Variants in ABHD3 observed in about 807,000 individuals in gnomAD.
The protein encoded by ABHD3 is abhydrolase domain containing 3, phospholipase, also known as phospholipase ABHD3.
ABHD3 carries 46 observed loss-of-function variants against 48.8 expected under a neutral mutation model. The observed-to-expected ratio is 0.94, with a 90% CI of 0.74 to 1.20. The LOEUF (loss-of-function observed/expected upper bound fraction) is 1.20. Ranked by LOEUF, ABHD3 falls within the 50% of genes most tolerant of loss-of-function variation. ABHD3 has a pLI of 0.00. For synonymous variants in ABHD3, 192 were observed against 183.7 expected (o/e 1.04, Z -0.36); for missense variants, 490 against 497.8 (o/e 0.98, Z 0.15).
At chr18:21,658,842 T>C (rs1165143794) in intron 6 of ABHD3, among the ~76,000 whole-genome samples, 1 of 150,912 alleles carries the variant, frequency 6.6e-6, no homozygotes, top group South Asian at 2.1e-4. Context: ...ACAATAGTTT[T>C]TTTTTTTTTT....
At chr18:21,697,828 G>A (rs1023222538) in intron 3 of ABHD3, among the ~76,000 whole-genome samples, 1 of 151,998 alleles carries the variant, frequency 6.6e-6, no homozygotes, top group Admixed American at 6.6e-5. Context: ...CAGGTAGAGG[G>A]GAAAAAACAA....
chr18:21,664,465 G>C, intron 4 of ABHD3: 1 of 434,312 alleles, frequency 2.3e-6, no homozygotes, highest in Non-Finnish European at 4.1e-6. Flanking sequence ...TGCAAGGAAG[G>C]CTTGATGCAG....
chr18:21,691,341 T>C (rs1168525165), intron 3 of ABHD3, among the ~76,000 whole-genome samples: 1 of 152,170 alleles, frequency 6.6e-6, no homozygotes, highest in Non-Finnish European at 1.5e-5. Context: ...AATGCTTCTA[T>C]CGATAAAAGA....
At position 21,700,827 on chromosome 18, in the gene ABHD3, C is replaced by CAAAAAAAAAAAAAA. The variant is rs375239917; in HGVS notation, c.509+1475_509+1488dup. Among the ~76,000 whole-genome samples the CAAAAAAAAAAAAAA allele has an allele frequency of 3.0e-3, 281 of 94,330 alleles. 11 individuals are homozygous for CAAAAAAAAAAAAAA. The highest frequency in any genetic ancestry group is 9.5e-3 in the African/African-American group (271 of 28,624). The allele number at this position is 94,330 out of a possible 152,430, so 61.9% of individuals were successfully genotyped here. A position where few individuals can be genotyped will look rare whatever the true frequency, so the allele number is the denominator to read the frequency against. ...TTTCTGAGCATGACTAAGTTTTAGC[C>CAAAAAAAAAAAAAA]AAAAAAAAAAAAAAAAAAAAAATGG... is the stretch of plus-strand genomic sequence containing the variant. On this transcript the variant is annotated intron_variant, in intron 3 of 8. Coordinates refer to ENST00000289119, the MANE Select transcript of ABHD3 (RefSeq NM_138340.5).
At chr18:21,697,945 G>C (rs1435177863) in intron 3 of ABHD3, among the ~76,000 whole-genome samples, 1 of 151,916 alleles carries the variant, frequency 6.6e-6, no homozygotes, top group Non-Finnish European at 1.5e-5. Context: ...GTAAATCATT[G>C]ACAGTTCCCT....
chr18:21,679,783 C>T (rs1422207578), intron 4 of ABHD3, among the ~76,000 whole-genome samples: 1 of 152,176 alleles, frequency 6.6e-6, no homozygotes, highest in East Asian at 1.9e-4. Flanking sequence ...CCTCAGCCTC[C>T]CAAAGTGCTG....
chr18:21,683,007 T>C (rs1260156494), intron 4 of ABHD3: 1 of 152,416 alleles, frequency 6.6e-6, no homozygotes, highest in Non-Finnish European at 1.5e-5. Flanking sequence ...CCTAAGTCAC[T>C]GTAAAGCCAA....
intron 3 of ABHD3, among the ~76,000 whole-genome samples, chr18:21,699,068 G>A (rs1378251515): frequency 6.6e-6 from 1 of 151,860 alleles, no homozygotes; most frequent in Admixed American, 6.6e-5. Context: ...CTGAGTAGCT[G>A]GGATTACAGG....
chr18:21,656,941 C>G lies in ABHD3; in HGVS notation c.977G>C (p.Ser326Thr), dbSNP rs1372533608. Residue 326 changes from serine (S) to threonine (T), a missense_variant, in exon 8 of 9, where the codon AGT (serine) becomes ACT (threonine). By Grantham distance (58) the Ser-to-Thr change is moderately conservative. Coordinates refer to ENST00000289119, the MANE Select transcript of ABHD3 (RefSeq NM_138340.5). ...QTIDDYYTDA[S>T]PSPRLKSVGI... ...TACTGACTTCAGTCTAGGACTCGGA[C>G]TGGCATCAGTATAATAATCATCAAT... 6.2e-7 allele frequency: 1 copy of G among 1,614,024 alleles called. No homozygotes were observed.
At chr18:21,667,054 A>G (rs539689932) in intron 4 of ABHD3, among the ~76,000 whole-genome samples, 79 of 151,826 alleles carry the variant, frequency 5.2e-4, no homozygotes, top group African/African-American at 1.8e-3. Context: ...TTCAATCACT[A>G]ATGAGTAGCC....
At chr18:21,659,398 C>CA in intron 5 of ABHD3, 55 bp from the exon 6 acceptor site, 2 of 1,523,770 alleles carry the variant, frequency 1.3e-6, no homozygotes, top group South Asian at 1.2e-5. Context: ...TCACAGAAGA[C>CA]ATCCATTTCT....
chr18:21,666,286 C>T (rs140424341), intron 4 of ABHD3, among the ~76,000 whole-genome samples: 67 of 152,168 alleles, frequency 4.4e-4, no homozygotes, highest in Non-Finnish European at 6.3e-4. Context: ...CTCTGCCTCG[C>T]GGGTTCAAGC....
intron 4 of ABHD3, among the ~76,000 whole-genome samples, chr18:21,668,200 C>CAAAAAAAAAAA (rs747590942): frequency 9.3e-4 from 57 of 61,274 alleles, no homozygotes; most frequent in African/African-American, 2.6e-3. Flanking sequence ...GAATCTATCT[C>CAAAAAAAAAAA]AAAAAAAAAA....
At chr18:21,665,188 G>A (rs1598519654) in intron 4 of ABHD3, among the ~76,000 whole-genome samples, 4 of 151,628 alleles carry the variant, frequency 2.6e-5, no homozygotes, top group Admixed American at 6.6e-5. Flanking sequence ...CAAGTGATCC[G>A]CCTGCCTCAG....
chr18:21,652,646 G>A lies in ABHD3; in HGVS notation c.1058-883C>T, dbSNP rs575517208. On this transcript the variant is annotated intron_variant, in intron 8 of 8. Transcript: ENST00000289119. ...AAAAATTGGATGGGCGTGGTGGCACGTGCCTGTAGTCCCAGCTACTTGGGA... is the reference window on the plus strand; with the variant it reads ...AAAAATTGGATGGGCGTGGTGGCACATGCCTGTAGTCCCAGCTACTTGGGA... 2.7e-5 allele frequency among the ~76,000 whole-genome samples: 4 copies of A among 149,364 alleles called. No individual in the cohort carries two copies. In the South Asian group the frequency reaches 6.4e-4, roughly 24 times the overall value.
intron 5 of ABHD3, among the ~76,000 whole-genome samples, chr18:21,661,553 C>T (rs1442393385): frequency 2.0e-5 from 3 of 151,960 alleles, no homozygotes; most frequent in African/African-American, 7.3e-5. Context: ...ATCACTTGAA[C>T]CCAGGAGGCA....
At chr18:21,683,869 T>A in intron 4 of ABHD3, 51 bp downstream of exon 4, 1 of 1,488,334 alleles carries the variant, frequency 6.7e-7, no homozygotes, top group Non-Finnish European at 9.1e-7. Flanking sequence ...GTTATAAAAC[T>A]AGAAATGATT....
chr18:21,702,614 C>G (rs2040538221), intron 2 of ABHD3, 116 bp from the exon 3 acceptor site: 2 of 826,582 alleles, frequency 2.4e-6, no homozygotes, highest in Non-Finnish European at 3.6e-6. Context: ...TTCCAGCATT[C>G]ACGAACACAC....
In ABHD3 at chr18:21,704,527, A is replaced by C; in HGVS notation, c.139T>G (p.Tyr47Asp). 4 of 1,500,000 alleles carry C rather than the reference A, an allele frequency of 2.7e-6. No homozygotes were observed. Among genetic ancestry groups the C allele is most frequent in the Non-Finnish European group, 3.6e-6 (4 of 1,123,034 alleles). 92.9% of individuals were successfully genotyped at this position (1,500,000 alleles called of 1,614,324 possible). A position where few individuals can be genotyped will look rare whatever the true frequency, so the allele number is the denominator to read the frequency against. Reference sequence around the variant, plus strand: ...ACCTTGGCAATGCTGCTCAGGTAGTAGAAGGCATAAGCGACGCTGAAGCCC... The same window carrying C: ...ACCTTGGCAATGCTGCTCAGGTAGTCGAAGGCATAAGCGACGCTGAAGCCC... ...ILGFSVAYAF[Y>D]YLSSIAKKPQ... The change falls in exon 1 of 9, where the codon TAC becomes GAC. Residue 47 changes from tyrosine (Y) to aspartate (D), a missense_variant. By Grantham distance (160) the Tyr-to-Asp change is radical. Transcript: ENST00000289119.
Sources: gnomAD v4.1 joint callset for allele counts (sites outside exome capture counted in the v4.1 genomes callset) on GRCh38, gnomAD v4.1.1 for gene constraint, MANE v1.5 for transcripts, NCBI Gene and HGNC (gene_info 2026-07-23, HGNC 2026-07-21) for gene names.